CSGALNACT1: variants seen among roughly 807,000 people sequenced by gnomAD.
CSGALNACT1 encodes the protein beta4GalNAcT-1.
CSGALNACT1 carries 52 observed loss-of-function variants against 51.0 expected under a neutral mutation model. The observed-to-expected ratio is 1.02, with a 90% CI of 0.82 to 1.29. The LOEUF (loss-of-function observed/expected upper bound fraction) is 1.29. CSGALNACT1 is among the 50% of genes most tolerant of loss of function. The probability of loss-of-function intolerance (pLI) is 0.00; values close to 1 mark genes in which losing one functional copy is unlikely to be tolerated. For synonymous variants in CSGALNACT1, 341 were observed against 254.4 expected, an observed-to-expected ratio of 1.34 and a Z score of -3.24; for missense variants, 935 against 679.2, an observed-to-expected ratio of 1.38 and a Z score of -4.19.
intron 3 of CSGALNACT1, among the ~76,000 whole-genome samples, chr8:19,524,585 T>G (rs550762443): frequency 1.3e-5 from 2 of 152,298 alleles, no homozygotes; most frequent in South Asian, 4.1e-4. Context: ...AGTTGGGATT[T>G]TTTTTTCTTG....
At chr8:19,458,082 C>T (rs960242114) in intron 5 of CSGALNACT1, among the ~76,000 whole-genome samples, 7 of 152,194 alleles carry the variant, frequency 4.6e-5, no homozygotes, top group Non-Finnish European at 1.0e-4. Context: ...AGACTCAAGG[C>T]TGCTCACTTG....
At chr8:19,521,852 G>A (rs1045998906) in intron 3 of CSGALNACT1, among the ~76,000 whole-genome samples, 8 of 152,224 alleles carry the variant, frequency 5.3e-5, no homozygotes, top group African/African-American at 1.2e-4. Flanking sequence ...TGAAAACAGA[G>A]CTCTGCTGGC....
intron 4 of CSGALNACT1, among the ~76,000 whole-genome samples, chr8:19,476,567 T>G (rs1463707504): frequency 6.6e-6 from 1 of 151,890 alleles, no homozygotes; most frequent in Non-Finnish European, 1.5e-5. Flanking sequence ...TTCAAATCAG[T>G]CATGACGCCC....
chr8:19,620,005 C>T (rs1044191570), intron 1 of CSGALNACT1, among the ~76,000 whole-genome samples: 1 of 152,018 alleles, frequency 6.6e-6, no homozygotes, highest in Non-Finnish European at 1.5e-5. Context: ...AGAGATTAAC[C>T]AGGAAACTTC....
intron 5 of CSGALNACT1, among the ~76,000 whole-genome samples, chr8:19,445,553 C>G: frequency 6.6e-6 from 1 of 152,214 alleles, no homozygotes; most frequent in East Asian, 1.9e-4. Context: ...TTCGTGTACT[C>G]TTCTCTTTCA....
chr8:19,568,752 A>T (rs1588465164), intron 3 of CSGALNACT1, among the ~76,000 whole-genome samples: 1 of 152,188 alleles, frequency 6.6e-6, no homozygotes, highest in East Asian at 1.9e-4. Flanking sequence ...ACAACCTCGC[A>T]TTGCAGTAAT....
intron 3 of CSGALNACT1, among the ~76,000 whole-genome samples, chr8:19,513,461 T>TATATATATATATATATAC (rs2078896949): frequency 6.9e-6 from 1 of 145,852 alleles, no homozygotes; most frequent in Admixed American, 6.9e-5. Context: ...TATATATATA[T>TATATATATATATATATAC]ATTTTGTGCC....
At chr8:19,549,479 A>T (rs181504020) in intron 3 of CSGALNACT1, among the ~76,000 whole-genome samples, 9 of 152,166 alleles carry the variant, frequency 5.9e-5, no homozygotes, top group Admixed American at 4.6e-4. Context: ...ACAATTAGGT[A>T]CTTTTTCCAA....
chr8:19,686,977 T>G (rs2061013557), upstream of CSGALNACT1, among the ~76,000 whole-genome samples: 1 of 152,170 alleles, frequency 6.6e-6, no homozygotes, highest in East Asian at 1.9e-4. Context: ...CAGGACCAAA[T>G]CATACACAAT....
intron 1 of CSGALNACT1, among the ~76,000 whole-genome samples, chr8:19,650,856 C>T (rs1477165834): frequency 2.6e-5 from 4 of 152,172 alleles, no homozygotes; most frequent in Non-Finnish European, 5.9e-5. Context: ...TGGCCTAAAC[C>T]TGCACTTCCA....
At position 19,541,553 on chromosome 8, in the gene CSGALNACT1, A is replaced by ATTTTTTTTTT. The variant is rs1159626193; in HGVS notation, c.-296-35433_-296-35424dup. 4.4e-3 allele frequency among the ~76,000 whole-genome samples: 306 copies of ATTTTTTTTTT among 70,090 alleles called. 62 individuals carry two copies. The highest frequency in any genetic ancestry group is 0.036 in the South Asian group (60 of 1,648). 46.0% of individuals were successfully genotyped at this position (70,090 alleles called of 152,430 possible). The stretch of plus-strand genomic sequence containing the variant: ...AGGTGTGAGCCACCGTGCTCAGCCA[A>ATTTTTTTTTT]TTTTTTTTTTTTTTTTTTTTTTTTT... On this transcript the variant is annotated intron_variant, in intron 3 of 9. Coordinates refer to ENST00000454498, the Ensembl canonical transcript of CSGALNACT1.
intron 1 of CSGALNACT1, among the ~76,000 whole-genome samples, chr8:19,728,272 G>C (rs1438994903): frequency 6.6e-6 from 1 of 152,140 alleles, no homozygotes; most frequent in Non-Finnish European, 1.5e-5. Flanking sequence ...TGATTCAAAA[G>C]AAGTAGGCTC....
intron 6 of CSGALNACT1, among the ~76,000 whole-genome samples, chr8:19,426,640 ACT>A (rs1481324724): frequency 2.6e-5 from 4 of 151,762 alleles, no homozygotes; most frequent in Non-Finnish European, 5.9e-5. Flanking sequence ...AACTGACAAA[ACT>A]CTTCCATTTC....
intron 4 of CSGALNACT1, among the ~76,000 whole-genome samples, chr8:19,481,983 T>G (rs2153923948): frequency 6.6e-6 from 1 of 152,320 alleles, no homozygotes; most frequent in African/African-American, 2.4e-5. Flanking sequence ...ATACTGCAGC[T>G]ACTCAATAGG....
At chr8:19,668,940 C>A (rs990590581) in intron 1 of CSGALNACT1, among the ~76,000 whole-genome samples, 1 of 152,200 alleles carries the variant, frequency 6.6e-6, no homozygotes, top group Non-Finnish European at 1.5e-5. Context: ...TTTTGAAATA[C>A]TGTAATAATC....
chr8:19,513,436 C>CTCTCTATATATATATATATATATA, intron 3 of CSGALNACT1, among the ~76,000 whole-genome samples: 23 of 81,946 alleles, frequency 2.8e-4, no homozygotes, highest in Non-Finnish European at 3.3e-4. Flanking sequence ...CTCTCTCTCT[C>CTCTCTATATATATATATATATATA]TATATATATA....
At chr8:19,584,711 C>G (rs1049570336) in intron 3 of CSGALNACT1, among the ~76,000 whole-genome samples, 4 of 152,266 alleles carry the variant, frequency 2.6e-5, no homozygotes, top group African/African-American at 9.6e-5. Flanking sequence ...CACAGTATGT[C>G]CTAGAATGAC....
chr8:19,489,346 T>A (rs1048035806), intron 4 of CSGALNACT1, among the ~76,000 whole-genome samples: 3 of 152,218 alleles, frequency 2.0e-5, no homozygotes, highest in Non-Finnish European at 2.9e-5. Flanking sequence ...TATTGTCATA[T>A]TGTTAGACTT....
chr8:19,424,102 G>A (rs1022371936), intron 6 of CSGALNACT1, among the ~76,000 whole-genome samples: 15 of 152,196 alleles, frequency 9.9e-5, no homozygotes, highest in African/African-American at 7.2e-5. Context: ...TTGGCAGTAT[G>A]GGTCCATGTT....
Sources: gnomAD v4.1 joint callset for allele counts (sites outside exome capture counted in the v4.1 genomes callset) on GRCh38, gnomAD v4.1.1 for gene constraint, MANE v1.5 for transcripts, NCBI Gene and HGNC (gene_info 2026-07-23, HGNC 2026-07-21) for gene names.